MIS18A: variants seen among roughly 807,000 people sequenced by gnomAD.
MIS18A encodes MIS18 kinetochore protein A.
A neutral mutation model predicts 25.0 loss-of-function variants in MIS18A; 14 were observed. The ratio of observed to expected loss-of-function variants is 0.56; its 90% CI spans 0.37 to 0.88. The LOEUF is 0.88. Ranked by LOEUF, MIS18A falls within the 40% of genes least tolerant of loss-of-function variation. The pLI, the probability that MIS18A is intolerant of heterozygous loss-of-function variation, is 0.00. For synonymous variants in MIS18A, 134 were observed against 118.6 expected, an observed-to-expected ratio of 1.13 and a Z score of -0.84; for missense variants, 292 against 290.8, an observed-to-expected ratio of 1.00 and a Z score of -0.03.
At chr21:32,227,523 T>C in the MIS18A span, among the ~76,000 whole-genome samples, 3 of 152,000 alleles carry the variant, frequency 2.0e-5, no homozygotes, top group Non-Finnish European at 4.4e-5. Flanking sequence ...GAAACAGAAG[T>C]CTGAATAGAG....
chr21:32,195,049 T>TAAATA, the MIS18A span, among the ~76,000 whole-genome samples: 15 of 152,250 alleles, frequency 9.9e-5, no homozygotes, highest in East Asian at 7.7e-4. Context: ...TTAAGAGTTT[T>TAAATA]AAATAAAATA....
At chr21:32,265,358 G>A (rs1341232385), downstream of MIS18A, among the ~76,000 whole-genome samples, 1 of 152,250 alleles carries the variant, frequency 6.6e-6, no homozygotes, top group Non-Finnish European at 1.5e-5. Flanking sequence ...AACTGGGGCT[G>A]CGTGTGGCGC....
intron 3 of MIS18A, 46 bp downstream of exon 3, chr21:32,270,361 T>C: frequency 6.2e-7 from 1 of 1,608,442 alleles, no homozygotes; most frequent in South Asian, 1.1e-5. Context: ...TGCCTTAACT[T>C]TCTGAAACAC....
At chr21:32,260,885 G>A in the MIS18A span, 1 of 152,198 alleles carries the variant, frequency 6.6e-6, no homozygotes, top group Admixed American at 6.5e-5. Flanking sequence ...GGTGGCATAT[G>A]CTTGTACTCC....
intron 1 of MIS18A, among the ~76,000 whole-genome samples, chr21:32,277,448 G>A (rs1181268375): frequency 6.6e-6 from 1 of 152,050 alleles, no homozygotes; most frequent in Non-Finnish European, 1.5e-5. Flanking sequence ...CCAAAAATCT[G>A]CTTTTTTCTT....
the MIS18A span, among the ~76,000 whole-genome samples, chr21:32,201,687 C>T: frequency 3.3e-5 from 5 of 152,074 alleles, no homozygotes; most frequent in African/African-American, 9.7e-5. Context: ...CTGGCATGCA[C>T]CTGTAGTCCC....
the MIS18A span, among the ~76,000 whole-genome samples, chr21:32,233,439 G>C: frequency 6.6e-6 from 1 of 152,128 alleles, no homozygotes; most frequent in African/African-American, 2.4e-5. Flanking sequence ...AAATTGCTAT[G>C]TGCAGTGATA....
the MIS18A span, among the ~76,000 whole-genome samples, chr21:32,220,043 G>A: frequency 6.6e-6 from 1 of 152,214 alleles, no homozygotes; most frequent in African/African-American, 2.4e-5. Context: ...GCGGCTGTGG[G>A]TGCATCTTCA....
chr21:32,170,574 G>A, the MIS18A span, among the ~76,000 whole-genome samples: 1 of 151,622 alleles, frequency 6.6e-6, no homozygotes, highest in Admixed American at 6.6e-5. Context: ...TATATCCATT[G>A]GAAGGACATA....
the MIS18A span, among the ~76,000 whole-genome samples, chr21:32,175,830 C>CA: frequency 6.9e-6 from 1 of 144,800 alleles, no homozygotes; most frequent in African/African-American, 2.7e-5. Context: ...AAAACAAAAA[C>CA]AAAACAACAC....
downstream of MIS18A, among the ~76,000 whole-genome samples, chr21:32,265,138 C>T (rs2031569457): frequency 6.6e-6 from 1 of 152,198 alleles, no homozygotes; most frequent in South Asian, 2.1e-4. Context: ...CCTGGGACAT[C>T]CGCCTCCTGC....
chr21:32,155,319 C>G, the MIS18A span, among the ~76,000 whole-genome samples: 1 of 151,822 alleles, frequency 6.6e-6, no homozygotes, highest in Non-Finnish European at 1.5e-5. Context: ...CTGGCCCTTA[C>G]AAATTGTACA....
chr21:32,277,291 G>C (rs971006143), intron 1 of MIS18A, among the ~76,000 whole-genome samples: 9 of 152,172 alleles, frequency 5.9e-5, no homozygotes, highest in African/African-American at 2.2e-4. Context: ...TATAAGTAAC[G>C]CAAAACAACG....
At chr21:32,179,402 C>T in the MIS18A span, among the ~76,000 whole-genome samples, 3 of 151,950 alleles carry the variant, frequency 2.0e-5, no homozygotes, top group Non-Finnish European at 4.4e-5. Flanking sequence ...TTTGTGTGGG[C>T]CAAGATCACC....
At chr21:32,259,335 C>T in the MIS18A span, among the ~76,000 whole-genome samples, 1 of 152,190 alleles carries the variant, frequency 6.6e-6, no homozygotes, top group South Asian at 2.1e-4. Flanking sequence ...CCAGGGGTTA[C>T]AATTCTTTCC....
the MIS18A span, among the ~76,000 whole-genome samples, chr21:32,187,295 C>T: frequency 1.3e-5 from 2 of 152,140 alleles, no homozygotes; most frequent in African/African-American, 4.8e-5. Flanking sequence ...GAACTTAGGA[C>T]ATTTGCCTCC....
the MIS18A span, among the ~76,000 whole-genome samples, chr21:32,165,396 C>T: frequency 2.1e-5 from 3 of 145,162 alleles, no homozygotes; most frequent in Non-Finnish European, 4.5e-5. Context: ...GTCATGAGTA[C>T]TAAATTAATT....
At chr21:32,198,295 G>T in the MIS18A span, among the ~76,000 whole-genome samples, 5 of 152,112 alleles carry the variant, frequency 3.3e-5, no homozygotes, top group Admixed American at 2.6e-4. Flanking sequence ...TTCTATCAAA[G>T]GCATTGAATG....
chr21:32,250,684 G>A, the MIS18A span, among the ~76,000 whole-genome samples: 3 of 152,170 alleles, frequency 2.0e-5, no homozygotes, highest in Admixed American at 1.3e-4. Flanking sequence ...CCATCTAGAC[G>A]CCCTTGGCCA....
Sources: allele counts gnomAD v4.1 joint callset (sites outside exome capture counted in the v4.1 genomes callset), GRCh38; gene constraint gnomAD v4.1.1; transcripts MANE v1.5; gene names NCBI Gene and HGNC (gene_info 2026-07-23, HGNC 2026-07-21).